Variants in SLC39A14 observed in about 807,000 individuals in gnomAD.
SLC39A14 encodes solute carrier family 39 member 14, also known as metal cation symporter ZIP14.
Under a neutral mutation model 45.5 loss-of-function variants are expected in SLC39A14, and 19 were observed. That is an observed-to-expected ratio of 0.42 (90% CI 0.29 to 0.61). The LOEUF is 0.61. SLC39A14 is among the 20% of genes least tolerant of loss of function. The probability of loss-of-function intolerance (pLI) is 0.22; values close to 1 mark genes in which losing one functional copy is unlikely to be tolerated. For synonymous variants in SLC39A14, 264 were observed against 251.3 expected (o/e 1.05, Z -0.48); for missense variants, 447 against 616.5 (o/e 0.73, Z 2.91).
chr8:22,409,677 T>A (rs528007114), intron 3 of SLC39A14, among the ~76,000 whole-genome samples: 1 of 152,234 alleles, frequency 6.6e-6, no homozygotes, highest in Admixed American at 6.5e-5. Context: ...CCACCGCACC[T>A]GGCCTACTTG....
chr8:22,393,340 T>G (rs1834187825), intron 1 of SLC39A14: 2 of 635,906 alleles, frequency 3.1e-6, no homozygotes, highest in Admixed American at 6.3e-5. Flanking sequence ...ACTGTGAGAT[T>G]TGCTGTTTGC....
intron 7 of SLC39A14, among the ~76,000 whole-genome samples, chr8:22,417,358 C>T (rs748062341): frequency 1.3e-5 from 2 of 152,134 alleles, no homozygotes; most frequent in Non-Finnish European, 2.9e-5. Context: ...CAAATGGAGA[C>T]GGGTCCTGAA....
chr8:22,428,138 A>G (rs1026074349), intron 8 of SLC39A14, among the ~76,000 whole-genome samples: 1 of 152,054 alleles, frequency 6.6e-6, no homozygotes, highest in Non-Finnish European at 1.5e-5. Flanking sequence ...TGTCTACGAA[A>G]AATACAAAAT....
Position 22,417,765 on chromosome 8 carries a change from G to T in SLC39A14, c.1262G>T (p.Ser421Ile). The change falls in exon 8 of 9, where the codon AGC becomes ATC. Residue 421 changes from serine (S) to isoleucine (I), a missense_variant. By Grantham distance (142) the Ser-to-Ile change is moderately radical. Coordinates refer to ENST00000381237, the MANE Select transcript of SLC39A14 (RefSeq NM_001128431.4). Reference sequence around the variant, plus strand: ...CTGGCCTTTGGCATCCTGGCCGGCAGCCACTTCTCTGCCAACTGGATTTTT... The same window carrying T: ...CTGGCCTTTGGCATCCTGGCCGGCATCCACTTCTCTGCCAACTGGATTTTT... The part of the protein sequence containing the change: ...LGLAFGILAG[S>I]HFSANWIFAL... 1.2e-6 allele frequency: 2 copies of T among 1,614,198 alleles called. No homozygotes were observed. The highest frequency in any genetic ancestry group is 8.5e-7 in the Non-Finnish European group (1 of 1,180,044).
chr8:22,369,629 G>C (rs1353025629), intron 1 of SLC39A14, among the ~76,000 whole-genome samples: 1 of 152,160 alleles, frequency 6.6e-6, no homozygotes, highest in Non-Finnish European at 1.5e-5. Context: ...TTCAGAGAGC[G>C]GGCATCCTTG....
chr8:22,414,984 G>A, intron 5 of SLC39A14, 82 bp downstream of exon 5: 1 of 1,498,728 alleles, frequency 6.7e-7, no homozygotes, highest in Non-Finnish European at 9.1e-7. Flanking sequence ...TGGTGGTGGT[G>A]GTGATGGTCT....
At chr8:22,401,539 CTTTCTTTT>C (rs1190002299) in intron 1 of SLC39A14, among the ~76,000 whole-genome samples, 11 of 115,744 alleles carry the variant, frequency 9.5e-5, no homozygotes, top group African/African-American at 3.4e-4. Flanking sequence ...TTTCTCTTCT[CTTTCTTTT>C]TTTTTTTTTT....
Position 22,373,829 on chromosome 8 carries a change from A to G in SLC39A14, c.-16+6421A>G, listed in dbSNP as rs1057416750. ...ACCCAGGCGGGAGTGCAGTAGCGCAATCTCACCGCAACCTATACCTCCCAG... is the reference window on the plus strand; with the variant it reads ...ACCCAGGCGGGAGTGCAGTAGCGCAGTCTCACCGCAACCTATACCTCCCAG... On this transcript the variant is annotated intron_variant, in intron 1 of 8. Coordinates refer to ENST00000381237, the MANE Select transcript of SLC39A14 (RefSeq NM_001128431.4). Among the ~76,000 whole-genome samples, 17 of 151,506 alleles carry G rather than the reference A, an allele frequency of 1.1e-4. No homozygotes were observed. The East Asian group carries it at 3.3e-3, about 29-fold the overall frequency.
rs76806153 is a variant in SLC39A14 at position 22,421,745 on chromosome 8, T to C, written c.*2047T>C. ...CATTCCCAATAGATCCTATCATTCC[T>C]TAAACATAATACCCTTTGTCTTGGA... On this transcript the variant is annotated 3_prime_UTR_variant, in exon 9 of 9. Transcript: ENST00000381237. 3,298 of 984,566 alleles carry C rather than the reference T, an allele frequency of 3.3e-3. 79 individuals carry two copies. In the African/African-American group the frequency reaches 0.053, roughly 16 times the overall value. The allele number at this position is 984,566 out of a possible 1,614,324, so 61.0% of individuals were successfully genotyped here. A position where few individuals can be genotyped will look rare whatever the true frequency, so the allele number is the denominator to read the frequency against.
rs772551030 is a variant in SLC39A14 at position 22,404,953 on chromosome 8, C to T, written c.243C>T (p.His81=). The change falls in exon 2 of 9, where the codon CAC becomes CAT. Residue 81 remains histidine, a synonymous_variant. Coordinates refer to ENST00000381237, the MANE Select transcript of SLC39A14 (RefSeq NM_001128431.4). ...TGGGCCGGGGTAATGTCACCCAGCACGTGCAAGGACACAGGAACCTCTCCA... is the reference window on the plus strand; with the variant it reads ...TGGGCCGGGGTAATGTCACCCAGCATGTGCAAGGACACAGGAACCTCTCCA... ...VGVGRGNVTQ[H]VQGHRNLSTC... 2.4e-5 allele frequency: 39 copies of T among 1,614,018 alleles called. No individual in the cohort carries two copies. The highest frequency in any genetic ancestry group is 1.0e-4 in the Admixed American group (6 of 60,008).
At chr8:22,377,987 C>T (rs922084924) in intron 1 of SLC39A14, among the ~76,000 whole-genome samples, 15 of 152,200 alleles carry the variant, frequency 9.9e-5, no homozygotes, top group African/African-American at 1.9e-4. Flanking sequence ...ACTCCTTTCC[C>T]GTTCCTAGCT....
Position 22,373,918 on chromosome 8 carries a change from C to G in SLC39A14, c.-16+6510C>G, listed in dbSNP as rs563725055. On this transcript the variant is annotated intron_variant, in intron 1 of 8. Transcript: ENST00000381237. ...GGGATGCAGACACGCGCCACCACGC[C>G]CAGCTAATTTTTTGTATTTTTAGTG... Among the ~76,000 whole-genome samples the G allele has an allele frequency of 5.9e-5, 9 of 152,192 alleles. 1 individual carries two copies. In the East Asian group the frequency reaches 1.7e-3, roughly 29 times the overall value.
intron 1 of SLC39A14, among the ~76,000 whole-genome samples, chr8:22,377,221 C>G (rs1237283714): frequency 6.6e-6 from 1 of 151,694 alleles, no homozygotes; most frequent in Non-Finnish European, 1.5e-5. Flanking sequence ...CTAGCTTTGA[C>G]CATTTTGGGA....
intron 1 of SLC39A14, among the ~76,000 whole-genome samples, chr8:22,384,384 C>A (rs546132450): frequency 6.6e-6 from 1 of 151,868 alleles, no homozygotes; most frequent in South Asian, 2.1e-4. Context: ...GCTGCCTGCC[C>A]GCCCGGGCCT....
intron 7 of SLC39A14, among the ~76,000 whole-genome samples, chr8:22,417,100 C>T (rs1157299133): frequency 6.6e-6 from 1 of 152,174 alleles, no homozygotes; most frequent in Non-Finnish European, 1.5e-5. Flanking sequence ...GCTTTAGGGA[C>T]GACGTAGGGT....
chr8:22,368,106 G>C (rs749530681), intron 1 of SLC39A14, among the ~76,000 whole-genome samples: 1 of 152,144 alleles, frequency 6.6e-6, no homozygotes, highest in African/African-American at 2.4e-5. Flanking sequence ...TCTGGTGCTT[G>C]CCAGGGCCTG....
At position 22,419,681 on chromosome 8, in the gene SLC39A14, C is replaced by T; in HGVS notation, c.1462C>T (p.Gln488Ter). 6.2e-7 allele frequency: 1 copy of T among 1,610,042 alleles called. No individual in the cohort carries two copies. Among genetic ancestry groups the T allele is most frequent in the Non-Finnish European group, 8.5e-7 (1 of 1,178,252 alleles). Residue 488 changes from glutamine (Q) to a stop codon, truncating the protein, a stop_gained, in exon 9 of 9, where the codon CAG becomes TAG. Transcript: ENST00000381237. LOFTEE classifies it high-confidence loss of function. ...IMVVLTMYSG[Q>*]IQIG ...GGTGGTCCTCACCATGTATTCAGGA[C>T]AGATCCAGATTGGGTAGGGCTCTGC...
At chr8:22,409,288 C>A (rs1375669899) in intron 3 of SLC39A14, among the ~76,000 whole-genome samples, 3 of 152,226 alleles carry the variant, frequency 2.0e-5, no homozygotes, top group Non-Finnish European at 2.9e-5. Context: ...CCGGCGTGTG[C>A]TGCCTGAGTG....
chr8:22,411,997 C>G (rs929356464), intron 3 of SLC39A14, 40 bp from the exon 4 acceptor site: 16 of 1,532,110 alleles, frequency 1.0e-5, no homozygotes, highest in South Asian at 4.8e-5. Context: ...TGCCTTCTCT[C>G]CCTGCCCTGG....
Sources: allele counts gnomAD v4.1 joint callset (sites outside exome capture counted in the v4.1 genomes callset), GRCh38; gene constraint gnomAD v4.1.1; transcripts MANE v1.5; gene names NCBI Gene and HGNC (gene_info 2026-07-23, HGNC 2026-07-21).